The following SLC35D1 variants were observed in gnomAD, a reference collection of about 807,000 sequenced individuals.
SLC35D1 encodes solute carrier family 35 member D1, also known as nucleotide sugar transporter SLC35D1.
In SLC35D1, 31 loss-of-function variants were observed where a neutral mutation model predicts 46.7. The observed-to-expected ratio is 0.66, with a 90% CI of 0.50 to 0.90. The LOEUF (loss-of-function observed/expected upper bound fraction) is 0.90, where lower values mean the gene tolerates loss of function less well. Among genes scored for constraint, SLC35D1 ranks in the 40% least tolerant of loss-of-function variants. The pLI is 0.00. For missense variants in SLC35D1, 397 were observed against 426.2 expected, an observed-to-expected ratio of 0.93 and a Z score of 0.60; for synonymous variants, 195 against 164.6, an observed-to-expected ratio of 1.18 and a Z score of -1.41.
the SLC35D1 span, among the ~76,000 whole-genome samples, chr1:66,992,625 G>A: frequency 5.3e-5 from 8 of 152,352 alleles, no homozygotes; most frequent in Admixed American, 1.3e-4. Flanking sequence ...TGGCTCACAC[G>A]TATTCATGGC....
At chr1:66,989,813 C>T in the SLC35D1 span, among the ~76,000 whole-genome samples, 1 of 152,188 alleles carries the variant, frequency 6.6e-6, no homozygotes, top group Non-Finnish European at 1.5e-5. Context: ...GGGGTGGTTT[C>T]TTCCAGAAAC....
rs1558155343 is a variant in SLC35D1, at chr1:67,021,708, CACAGACACAGACACAG to C, written c.730-122_730-107del. The C allele has an allele frequency of 1.4e-3, 324 of 230,118 alleles. 2 individuals are homozygous for C. Among genetic ancestry groups the C allele is most frequent in the Non-Finnish European group, 1.1e-3 (146 of 127,194 alleles). The allele number at this position is 230,118 out of a possible 1,614,324, so 14.3% of individuals were successfully genotyped here. ...AGTCTGCCTCCAACACAGACACAGA[CACAGACACAGACACAG>C]ACACACACACACACACACACACACA... On this transcript the variant is annotated intron_variant, in intron 8 of 11. Coordinates refer to ENST00000235345, the MANE Select transcript of SLC35D1 (RefSeq NM_015139.3).
At chr1:66,982,971 A>G in the SLC35D1 span, among the ~76,000 whole-genome samples, 1 of 152,260 alleles carries the variant, frequency 6.6e-6, no homozygotes, top group Non-Finnish European at 1.5e-5. Flanking sequence ...GGAGGCAGAC[A>G]GTTGGTACTA....
intron 3 of SLC35D1, 58 bp from the exon 4 acceptor site, chr1:67,052,137 C>G: frequency 8.3e-7 from 1 of 1,200,202 alleles, no homozygotes; most frequent in Non-Finnish European, 1.2e-6. Context: ...AAAACAAGGT[C>G]CTTTCAAACA....
At chr1:67,050,682 C>T (rs1435679110) in intron 4 of SLC35D1, among the ~76,000 whole-genome samples, 178 bp from the exon 5 acceptor site, 2 of 152,310 alleles carry the variant, frequency 1.3e-5, no homozygotes, top group East Asian at 1.9e-4. Flanking sequence ...AAGCCTACAA[C>T]AGTTGCTTTT....
At chr1:66,982,506 C>A in the SLC35D1 span, among the ~76,000 whole-genome samples, 350 of 152,190 alleles carry the variant, frequency 2.3e-3, 6 homozygotes, top group African/African-American at 8.0e-3. Context: ...TACAGTGGAC[C>A]AGAGATCACT....
the SLC35D1 span, among the ~76,000 whole-genome samples, chr1:66,982,351 T>C: frequency 5.1e-4 from 78 of 152,290 alleles, no homozygotes; most frequent in African/African-American, 1.9e-3. Flanking sequence ...GATAGCATAA[T>C]AACCTTGAAT....
At chr1:66,998,673 C>T (rs745685307), downstream of SLC35D1, among the ~76,000 whole-genome samples, 13 of 152,172 alleles carry the variant, frequency 8.5e-5, no homozygotes, top group Non-Finnish European at 1.5e-4. Flanking sequence ...GAAGGAAATT[C>T]TGACATATGT....
rs145362690 is a variant in SLC35D1, at chr1:67,006,864, A to T, written c.959+2221T>A. ...AAATCTCAAATCTGAAATGTTCCAA[A>T]GAACATTTCCTTTGATCATCCTGTT... is the stretch of plus-strand genomic sequence containing the variant. On this transcript the variant is annotated intron_variant, in intron 11 of 11. Coordinates refer to ENST00000235345, the MANE Select transcript of SLC35D1 (RefSeq NM_015139.3). Among the ~76,000 whole-genome samples, 539 of 152,316 alleles carry T rather than the reference A, an allele frequency of 3.5e-3. 3 individuals are homozygous for T. The highest frequency in any genetic ancestry group is 0.012 in the African/African-American group (515 of 41,570).
In SLC35D1 at chr1:67,049,844, A is replaced by T; in HGVS notation, c.471T>A (p.Thr157=). 1 of 1,613,200 alleles carries T rather than the reference A, an allele frequency of 6.2e-7. No individual in the cohort carries two copies. Among genetic ancestry groups the T allele is most frequent in the Non-Finnish European group, 8.5e-7 (1 of 1,179,504 alleles). ...MFAEGVLLKK[T]FSWGIKMTVF... is the part of the protein sequence containing the mutation. ...CAGTCATTTTAATACCCCAAGAAAA[A>T]GTCTTCCTACAAAACAAAAAATTTT... is the stretch of plus-strand genomic sequence containing the variant. Residue 157 remains threonine (T), a synonymous_variant, in exon 6 of 12, where the codon ACT becomes ACA. Transcript: ENST00000235345.
At chr1:67,025,600 T>C (rs1667900186) in intron 8 of SLC35D1, among the ~76,000 whole-genome samples, 1 of 152,240 alleles carries the variant, frequency 6.6e-6, no homozygotes, top group African/African-American at 2.4e-5. Context: ...CTTGTCAATA[T>C]CTACAAAAAT....
Position 67,050,522 on chromosome 1 carries a change from A to T in SLC35D1, c.393-18T>A. 1 of 1,591,356 alleles carries T rather than the reference A, an allele frequency of 6.3e-7. No individual in the cohort carries two copies. The highest frequency in any genetic ancestry group is 8.6e-7 in the Non-Finnish European group (1 of 1,160,834). ...TTGGCAAGCTGGAAAAAAAAAAGAT[A>T]ATTAGGTAAAATAGAATTTAACAAT... On this transcript the variant is annotated intron_variant, in intron 4 of 11. Coordinates refer to ENST00000235345, the MANE Select transcript of SLC35D1 (RefSeq NM_015139.3).
chr1:67,041,997 C>T (rs1645192543), intron 8 of SLC35D1, among the ~76,000 whole-genome samples: 1 of 152,178 alleles, frequency 6.6e-6, no homozygotes, highest in South Asian at 2.1e-4. Context: ...GAAAAAGACA[C>T]TAGCTGGCAA....
the SLC35D1 span, chr1:66,986,630 CCAAA>C: frequency 2.0e-5 from 12 of 613,366 alleles, no homozygotes; most frequent in East Asian, 8.1e-5. Context: ...ACTTTTTTTC[CCAAA>C]CAGTGTTAAA....
At chr1:66,979,162 T>C in the SLC35D1 span, among the ~76,000 whole-genome samples, 1 of 152,212 alleles carries the variant, frequency 6.6e-6, no homozygotes, top group Admixed American at 6.5e-5. Flanking sequence ...TCTTCCCTTT[T>C]AGCTGTGTTA....
At chr1:67,038,274 A>G (rs1668165309) in intron 8 of SLC35D1, among the ~76,000 whole-genome samples, 1 of 152,180 alleles carries the variant, frequency 6.6e-6, no homozygotes, top group South Asian at 2.1e-4. Flanking sequence ...AGGCTAACTT[A>G]ACAGCCTAAA....
At chr1:67,051,224 G>C (rs1201640906) in intron 4 of SLC35D1, among the ~76,000 whole-genome samples, 1 of 152,152 alleles carries the variant, frequency 6.6e-6, no homozygotes, top group Non-Finnish European at 1.5e-5. Flanking sequence ...CATTCTGTCA[G>C]GTTTCTCGGG....
chr1:66,977,628 C>T, the SLC35D1 span, among the ~76,000 whole-genome samples: 1 of 152,150 alleles, frequency 6.6e-6, no homozygotes, highest in African/African-American at 2.4e-5. Context: ...GTCTACACCT[C>T]ATTCAGTCTA....
chr1:67,052,795 G>T lies in SLC35D1; in HGVS notation c.300C>A (p.Asp100Glu). 6.2e-7 allele frequency: 1 copy of T among 1,614,044 alleles called. No individual in the cohort carries two copies. Among genetic ancestry groups the T allele is most frequent in the Non-Finnish European group, 8.5e-7 (1 of 1,179,984 alleles). The stretch of plus-strand genomic sequence containing the variant: ...CCTTTCGAGGTACATTTCTGTCAAG[G>T]TCAGGAAACTTGACTACTCTGAGCG... ...GKALRVVKFP[D>E]LDRNVPRKTF... The change falls in exon 3 of 12, where the codon GAC (aspartate) becomes GAA (glutamate). Residue 100 changes from aspartate (D) to glutamate (E), a missense_variant. Asp to Glu is a conservative substitution (Grantham distance 45). Transcript: ENST00000235345.
Sources: allele counts gnomAD v4.1 joint callset (sites outside exome capture counted in the v4.1 genomes callset), GRCh38; gene constraint gnomAD v4.1.1; transcripts MANE v1.5; gene names NCBI Gene and HGNC (gene_info 2026-07-23, HGNC 2026-07-21).